Variants in CRB1 observed in about 807,000 individuals in gnomAD.
CRB1 encodes protein crumbs homolog 1.
Under a neutral mutation model 120.0 loss-of-function variants are expected in CRB1, and 83 were observed. That is an observed-to-expected ratio of 0.69 (90% CI 0.58 to 0.83). The LOEUF is 0.83. Among genes scored for constraint, CRB1 ranks in the 40% least tolerant of loss-of-function variants. The pLI is 0.00. For synonymous variants in CRB1, 625 were observed against 612.5 expected, an observed-to-expected ratio of 1.02 and a Z score of -0.30; for missense variants, 1,699 against 1,687.6, an observed-to-expected ratio of 1.01 and a Z score of -0.12.
At chr1:197,202,263 T>G in the CRB1 span, among the ~76,000 whole-genome samples, 1 of 152,130 alleles carries the variant, frequency 6.6e-6, no homozygotes, top group Non-Finnish European at 1.5e-5. Context: ...TGAAGAAACT[T>G]GCCTGTCTCC....
At chr1:197,471,405 T>A (rs530603010) in intron 11 of CRB1, among the ~76,000 whole-genome samples, 3 of 152,284 alleles carry the variant, frequency 2.0e-5, no homozygotes, top group African/African-American at 7.2e-5. Flanking sequence ...TGGGAGCTTA[T>A]CTGTTTTCTG....
In CRB1 at chr1:197,427,582, C is replaced by A; in HGVS notation, c.2257C>A (p.Leu753Ile). 1 of 1,614,036 alleles carries A rather than the reference C, an allele frequency of 6.2e-7. No individual in the cohort carries two copies. Among genetic ancestry groups the A allele is most frequent in the South Asian group, 1.1e-5 (1 of 91,074 alleles). Residue 753 changes from leucine to isoleucine, a missense_variant, in exon 7 of 12, where the codon CTA becomes ATA. Leu to Ile is a conservative substitution (Grantham distance 5). Transcript: ENST00000367400. Reference protein sequence around the residue: ...VRTLQPSGLLLALENSTYQYI... With the variant: ...VRTLQPSGLLIALENSTYQYI... Reference sequence around the variant, plus strand: ...AACGCTTCAACCATCAGGCTTACTTCTAGCTTTGGAAAACAGCACTTATCA... The same window carrying A: ...AACGCTTCAACCATCAGGCTTACTTATAGCTTTGGAAAACAGCACTTATCA...
chr1:197,233,729 T>A, the CRB1 span, among the ~76,000 whole-genome samples: 1 of 152,220 alleles, frequency 6.6e-6, no homozygotes, highest in East Asian at 1.9e-4. Context: ...CCTATAGCTG[T>A]TGACTTATTC....
At chr1:197,457,248 C>T (rs769810677) in intron 11 of CRB1, among the ~76,000 whole-genome samples, 2 of 151,938 alleles carry the variant, frequency 1.3e-5, no homozygotes, top group East Asian at 1.9e-4. Flanking sequence ...TAATATTTGT[C>T]GTGTGCTTAC....
the CRB1 span, among the ~76,000 whole-genome samples, chr1:197,253,678 A>G: frequency 5.9e-5 from 9 of 152,116 alleles, no homozygotes; most frequent in Admixed American, 1.3e-4. Context: ...AAAGTACATA[A>G]TATAATATAT....
At chr1:197,269,782 G>A (rs1338064542) in intron 1 of CRB1, among the ~76,000 whole-genome samples, 2 of 151,992 alleles carry the variant, frequency 1.3e-5, no homozygotes, top group South Asian at 2.1e-4. Context: ...TTGTTTTAAA[G>A]GAAATGAATG....
chr1:197,477,945 C>T lies in CRB1; in HGVS notation c.*66C>T. ...AATGTGATGACTGTACTTCAGGTATCTCTGACATACCTGACAATGTTAATC... is the reference window on the plus strand; with the variant it reads ...AATGTGATGACTGTACTTCAGGTATTTCTGACATACCTGACAATGTTAATC... On this transcript the variant is annotated 3_prime_UTR_variant, in exon 12 of 12. Transcript: ENST00000367400. 1 of 1,420,702 alleles carries T rather than the reference C, an allele frequency of 7.0e-7. No individual in the cohort carries two copies. Among genetic ancestry groups the T allele is most frequent in the Non-Finnish European group, 1.0e-6 (1 of 1,004,396 alleles). 88.0% of individuals were successfully genotyped at this position (1,420,702 alleles called of 1,614,324 possible).
chr1:197,451,362 A>G (rs60989091), intron 11 of CRB1, among the ~76,000 whole-genome samples: 7,497 of 152,264 alleles, frequency 0.049, 602 homozygotes, highest in African/African-American at 0.17. Context: ...AAAGTGTAGT[A>G]CACAGGGCTA....
chr1:197,377,817 CTT>C (rs976306315), intron 5 of CRB1, among the ~76,000 whole-genome samples: 7 of 151,950 alleles, frequency 4.6e-5, no homozygotes, highest in Non-Finnish European at 1.0e-4. Flanking sequence ...TTTATGAACT[CTT>C]TTTTTAATGG....
chr1:197,381,839 T>C (rs149297506), intron 5 of CRB1, among the ~76,000 whole-genome samples: 121 of 152,322 alleles, frequency 7.9e-4, no homozygotes, highest in African/African-American at 2.6e-3. Context: ...ATTAAGATAA[T>C]TGACTTCCTT....
chr1:197,215,563 A>C, the CRB1 span, among the ~76,000 whole-genome samples: 1 of 152,180 alleles, frequency 6.6e-6, no homozygotes, highest in African/African-American at 2.4e-5. Context: ...GGCATGTGCC[A>C]CTGTGCCCGG....
chr1:197,344,649 C>T (rs1254861905), intron 3 of CRB1, among the ~76,000 whole-genome samples, 173 bp downstream of exon 3: 1 of 152,052 alleles, frequency 6.6e-6, no homozygotes, highest in Non-Finnish European at 1.5e-5. Context: ...TCTTGGAGAC[C>T]ATCTGTCTCA....
the CRB1 span, among the ~76,000 whole-genome samples, chr1:197,249,953 T>C: frequency 6.6e-6 from 1 of 152,116 alleles, no homozygotes; most frequent in African/African-American, 2.4e-5. Context: ...CTGGGAAGGT[T>C]TATGGCTAAG....
intron 1 of CRB1, among the ~76,000 whole-genome samples, chr1:197,274,400 G>A (rs1655075611): frequency 6.6e-6 from 1 of 152,058 alleles, no homozygotes. Flanking sequence ...TCATACATTT[G>A]TAATGCAGTT....
chr1:197,438,775 A>T, intron 10 of CRB1, 100 bp downstream of exon 10: 1 of 1,459,408 alleles, frequency 6.9e-7, no homozygotes, highest in South Asian at 1.2e-5. Flanking sequence ...CTCAGTTCCC[A>T]TAGGAAAATC....
At chr1:197,266,801 G>C (rs1654650171), upstream of CRB1, among the ~76,000 whole-genome samples, 1 of 151,978 alleles carries the variant, frequency 6.6e-6, no homozygotes, top group Non-Finnish European at 1.5e-5. Flanking sequence ...CCTAACAGAA[G>C]GCTTTCTAAT....
chr1:197,359,409 A>C (rs1034195970), intron 5 of CRB1, among the ~76,000 whole-genome samples: 13 of 152,024 alleles, frequency 8.6e-5, no homozygotes, highest in African/African-American at 2.4e-4. Context: ...GTGTGTATCA[A>C]TAGTTTGTTC....
rs143444577 is a variant in CRB1 at position 197,381,363 on chromosome 1, G to T, written c.1171+24350G>T. On this transcript the variant is annotated intron_variant, in intron 5 of 11. Coordinates refer to ENST00000367400, the MANE Select transcript of CRB1 (RefSeq NM_201253.3). ...AATTGGCATAATCCTCACTTACTTC[G>T]TATCTCATAGGTAAATTCAAATTAT... Among the ~76,000 whole-genome samples the T allele has an allele frequency of 2.6e-5, 4 of 152,240 alleles. No homozygotes were observed. The East Asian group carries it at 7.7e-4, about 29-fold the overall frequency.
chr1:197,234,180 T>C, the CRB1 span, among the ~76,000 whole-genome samples: 2 of 152,234 alleles, frequency 1.3e-5, no homozygotes, highest in Non-Finnish European at 2.9e-5. Flanking sequence ...GATAATCTTC[T>C]CTGGTTCCTG....
Sources: allele counts gnomAD v4.1 joint callset (sites outside exome capture counted in the v4.1 genomes callset), GRCh38; gene constraint gnomAD v4.1.1; transcripts MANE v1.5; gene names NCBI Gene and HGNC (gene_info 2026-07-23, HGNC 2026-07-21).